The following AGFG2 variants were observed in gnomAD, a reference collection of about 807,000 sequenced individuals.
AGFG2 encodes the protein ArfGAP with FG repeats 2.
AGFG2 carries 31 observed loss-of-function variants against 48.0 expected under a neutral mutation model. The observed-to-expected ratio is 0.65, with a 90% CI of 0.49 to 0.87. AGFG2 has a LOEUF of 0.87. Ranked by LOEUF, AGFG2 falls within the 40% of genes least tolerant of loss-of-function variation. The pLI is 0.00. For missense variants in AGFG2, 599 were observed against 632.6 expected (o/e 0.95, Z 0.57); for synonymous variants, 229 against 260.8 (o/e 0.88, Z 1.18).
At chr7:100,558,327 CCAGT>C (rs1800797188) in intron 6 of AGFG2, among the ~76,000 whole-genome samples, 1 of 152,066 alleles carries the variant, frequency 6.6e-6, no homozygotes, top group African/African-American at 2.4e-5. Context: ...TTGATAATGG[CCAGT>C]ATTATGTGGG....
intron 4 of AGFG2, 87 bp downstream of exon 4, chr7:100,553,587 C>A: frequency 1.4e-6 from 2 of 1,474,210 alleles, no homozygotes; most frequent in Non-Finnish European, 1.8e-6. Flanking sequence ...CCGGACTTAG[C>A]AGACAACAGT....
intron 2 of AGFG2, among the ~76,000 whole-genome samples, chr7:100,549,392 T>C (rs1049484407): frequency 6.6e-6 from 1 of 152,194 alleles, no homozygotes; most frequent in Admixed American, 6.5e-5. Flanking sequence ...TTATGGGTGA[T>C]TGGTTTACTT....
intron 6 of AGFG2, among the ~76,000 whole-genome samples, chr7:100,558,427 G>A (rs1392984902): frequency 6.6e-6 from 1 of 152,214 alleles, no homozygotes; most frequent in Non-Finnish European, 1.5e-5. Context: ...GTGCTCCTAG[G>A]AATGGGAGCA....
At position 100,550,455 on chromosome 7, in the gene AGFG2, C is replaced by T. The variant is rs1436611845; in HGVS notation, c.375C>T (p.Ser125=). 2 of 1,613,966 alleles carry T rather than the reference C, an allele frequency of 1.2e-6. No homozygotes were observed. Among genetic ancestry groups the T allele is most frequent in the East Asian group, 2.2e-5 (1 of 44,876 alleles). Residue 125 remains serine (S), a synonymous_variant, in exon 3 of 12, where the codon TCC becomes TCT. Coordinates refer to ENST00000300176, the MANE Select transcript of AGFG2 (RefSeq NM_006076.5). ...FDARTSLVPD[S]RDPQKVKEFL... ...CTCGGACATCTTTAGTACCAGATTC[C>T]AGGGATCCTCAGAAAGTGAAGGAGT... is the stretch of plus-strand genomic sequence containing the variant.
rs748151391 is a variant in AGFG2, at chr7:100,554,100, G to C, written c.593G>C (p.Ser198Thr). Reference sequence around the variant, plus strand: ...CATTCCTTCTCCTCCAAGCCCGTCAGTCAGTCTCACGCTCGGACATCCCAG... The same window carrying C: ...CATTCCTTCTCCTCCAAGCCCGTCACTCAGTCTCACGCTCGGACATCCCAG... ...VAASTSSQPV[S>T]QSHARTSQAR... The change falls in exon 5 of 12, where the codon AGT (serine) becomes ACT (threonine). Residue 198 changes from serine (S) to threonine (T), a missense_variant. Ser to Thr is a moderately conservative substitution (Grantham distance 58). Coordinates refer to ENST00000300176, the MANE Select transcript of AGFG2 (RefSeq NM_006076.5). The C allele has an allele frequency of 2.5e-6, 4 of 1,613,288 alleles. No individual in the cohort carries two copies. Among genetic ancestry groups the C allele is most frequent in the Non-Finnish European group, 3.4e-6 (4 of 1,179,612 alleles).
chr7:100,552,681 G>T (rs187281422), intron 3 of AGFG2, among the ~76,000 whole-genome samples: 3 of 152,286 alleles, frequency 2.0e-5, no homozygotes, highest in East Asian at 3.9e-4. Context: ...ATGTCCTCAG[G>T]ATTAAGCTGA....
intron 6 of AGFG2, chr7:100,556,645 C>G: frequency 7.8e-7 from 1 of 1,288,138 alleles, no homozygotes; most frequent in Non-Finnish European, 1.0e-6. Flanking sequence ...TTATCCCCAC[C>G]CCAGAGCCTA....
At chr7:100,554,456 T>C (rs1315545227) in intron 5 of AGFG2, among the ~76,000 whole-genome samples, 198 bp downstream of exon 5, 2 of 152,182 alleles carry the variant, frequency 1.3e-5, no homozygotes, top group Non-Finnish European at 2.9e-5. Flanking sequence ...TCCTAAAACA[T>C]TATAGTTGAG....
Position 100,539,446 on chromosome 7 carries a change from C to T in AGFG2, c.100C>T (p.Arg34Trp). 3 of 1,321,218 alleles carry T rather than the reference C, an allele frequency of 2.3e-6. No individual in the cohort carries two copies. The highest frequency in any genetic ancestry group is 1.9e-6 in the Non-Finnish European group (2 of 1,031,832). The allele number at this position is 1,321,218 out of a possible 1,614,324, so 81.8% of individuals were successfully genotyped here. ...CTCGGAGGTGTGGTGCCGTCGGGTG[C>T]GGGAGCTGGGTGGCTGCAGCCAGGC... Reference protein sequence around the residue: ...AASEVWCRRVRELGGCSQAGN... With the variant: ...AASEVWCRRVWELGGCSQAGN... The change falls in exon 1 of 12, where the codon CGG becomes TGG. Residue 34 changes from arginine to tryptophan, a missense_variant. Physicochemically the swap from Arg to Trp is moderately radical, Grantham distance 101. Transcript: ENST00000300176.
intron 1 of AGFG2, among the ~76,000 whole-genome samples, chr7:100,543,731 A>C (rs1024490857): frequency 1.3e-5 from 2 of 152,134 alleles, no homozygotes; most frequent in African/African-American, 4.8e-5. Flanking sequence ...TTTTAATGAG[A>C]AATATTTTCT....
chr7:100,551,401 C>T (rs950847257), intron 3 of AGFG2, among the ~76,000 whole-genome samples: 1 of 150,272 alleles, frequency 6.7e-6, no homozygotes, highest in Non-Finnish European at 1.5e-5. Flanking sequence ...AATGAGGTTT[C>T]ACCACGTTGC....
rs1406436972 is a variant in AGFG2, at chr7:100,562,317, C to T, written c.936C>T (p.Asn312=). ...ATPLAPASQP[N]SLADVGSFLG... ...CCCTGGCACCCGCCAGTCAGCCAAA[C>T]AGCCTCGCAGACGTGGGCAGCTTCC... Residue 312 remains asparagine, a synonymous_variant, in exon 7 of 12, where the codon AAC becomes AAT. Transcript: ENST00000300176. This position sits in a 1 kb window ranked among gnomAD's most constrained non-coding sequence, Gnocchi z 5.4. 6.2e-7 allele frequency: 1 copy of T among 1,614,160 alleles called. No individual in the cohort carries two copies. The highest frequency in any genetic ancestry group is 8.5e-7 in the Non-Finnish European group (1 of 1,180,028).
At chr7:100,540,229 G>A (rs890968801) in intron 1 of AGFG2, among the ~76,000 whole-genome samples, 1 of 152,014 alleles carries the variant, frequency 6.6e-6, no homozygotes, top group African/African-American at 2.4e-5. Flanking sequence ...GCAGGGCTTT[G>A]AAATGTTACC....
At chr7:100,559,563 T>A (rs1216242246) in intron 6 of AGFG2, among the ~76,000 whole-genome samples, 1 of 152,084 alleles carries the variant, frequency 6.6e-6, no homozygotes, top group Non-Finnish European at 1.5e-5. Flanking sequence ...ATGCCTGTAA[T>A]CCCATCACTT....
chr7:100,559,005 G>C (rs188511716), intron 6 of AGFG2, among the ~76,000 whole-genome samples: 1 of 152,048 alleles, frequency 6.6e-6, no homozygotes, highest in African/African-American at 2.4e-5. Context: ...ATGGTGGTGC[G>C]TGACTGTAGT....
At position 100,567,855 on chromosome 7, in the gene AGFG2, G is replaced by A. The variant is rs1380289471; in HGVS notation, c.*2864G>A. The stretch of plus-strand genomic sequence containing the variant: ...AGCCACTCAAGTTACCAGGGCTACC[G>A]GCTGAAATAAATCTTTTCCGGGTAG... On this transcript the variant is annotated 3_prime_UTR_variant, in exon 12 of 12. Coordinates refer to ENST00000300176, the MANE Select transcript of AGFG2 (RefSeq NM_006076.5). The A allele has an allele frequency of 6.6e-6, 1 of 152,258 alleles. No individual in the cohort carries two copies. Among genetic ancestry groups the A allele is most frequent in the Admixed American group, 6.5e-5 (1 of 15,282 alleles). The allele number at this position is 152,258 out of a possible 1,614,324, so 9.4% of individuals were successfully genotyped here. A position where few individuals can be genotyped will look rare whatever the true frequency, so the allele number is the denominator to read the frequency against.
chr7:100,562,802 C>T lies in AGFG2; in HGVS notation c.1088-61C>T, dbSNP rs1411078758. 1.2e-6 allele frequency: 2 copies of T among 1,600,858 alleles called. No individual in the cohort carries two copies. Among genetic ancestry groups the T allele is most frequent in the African/African-American group, 1.3e-5 (1 of 74,640 alleles). On this transcript the variant is annotated intron_variant, in intron 8 of 11. Transcript: ENST00000300176. The surrounding 1 kb of genome is among the most constrained non-coding windows in gnomAD (Gnocchi z 5.4). ...AATGCTCAGGCATCACAGGATGAAG[C>T]ACGTGAGAAAAAAAGTAACCATCTC...
At chr7:100,560,563 T>G (rs575220307) in intron 6 of AGFG2, among the ~76,000 whole-genome samples, 1 of 152,254 alleles carries the variant, frequency 6.6e-6, no homozygotes, top group South Asian at 2.1e-4. Flanking sequence ...CATTGTAGCC[T>G]TGCCCAGGAG....
chr7:100,561,423 T>C (rs1800869335), intron 6 of AGFG2, among the ~76,000 whole-genome samples: 1 of 152,292 alleles, frequency 6.6e-6, no homozygotes, highest in Non-Finnish European at 1.5e-5. Flanking sequence ...TGCCGCGTCC[T>C]GTCAATAAAG....
Sources: allele counts gnomAD v4.1 joint callset (sites outside exome capture counted in the v4.1 genomes callset), GRCh38; gene constraint gnomAD v4.1.1; non-coding constraint Gnocchi (gnomAD v3.1); transcripts MANE v1.5; gene names NCBI Gene and HGNC (gene_info 2026-07-23, HGNC 2026-07-21).